WWOX: variants seen among roughly 807,000 people sequenced by gnomAD.
WWOX encodes the protein WW domain containing oxidoreductase, also known as WW domain-containing oxidoreductase.
WWOX carries 69 observed loss-of-function variants against 46.2 expected under a neutral mutation model. That is an observed-to-expected ratio of 1.49 (90% confidence interval 1.23 to 1.82). The LOEUF is 1.82. Ranked by LOEUF, WWOX falls within the 40% of genes most tolerant of loss-of-function variation. The probability of loss-of-function intolerance (pLI) is 0.00; values close to 1 mark genes in which losing one functional copy is unlikely to be tolerated. For missense variants in WWOX, 919 were observed against 542.6 expected, an observed-to-expected ratio of 1.69 and a Z score of -6.89; for synonymous variants, 359 against 202.6, an observed-to-expected ratio of 1.77 and a Z score of -6.56.
intron 8 of WWOX, among the ~76,000 whole-genome samples, chr16:78,639,920 A>C (rs1298120046): frequency 6.6e-6 from 1 of 152,082 alleles, no homozygotes; most frequent in African/African-American, 2.4e-5. Context: ...GTGGTGATCT[A>C]ATGTCAACTG....
At chr16:79,180,491 G>C (rs978603354) in intron 8 of WWOX, among the ~76,000 whole-genome samples, 19 of 152,202 alleles carry the variant, frequency 1.2e-4, no homozygotes, top group African/African-American at 4.3e-4. Context: ...AGGCTCAGCT[G>C]TGTGTCTTCG....
rs1021679735 is a variant in WWOX at position 79,088,291 on chromosome 16, G to A, written c.1057-123317G>A. On this transcript the variant is annotated intron_variant, in intron 8 of 8. Coordinates refer to ENST00000566780, the MANE Select transcript of WWOX (RefSeq NM_016373.4). ...TTTTAAGGTAAAGGGAGGACGCAGA[G>A]CATTGCAGCCCGTTGGTTGTTTTCT... Among the ~76,000 whole-genome samples, 7 of 152,316 alleles carry A rather than the reference G, an allele frequency of 4.6e-5. No homozygotes were observed. The South Asian group carries it at 6.2e-4, about 14-fold the overall frequency.
At chr16:78,506,979 G>A (rs555417360) in intron 8 of WWOX, among the ~76,000 whole-genome samples, 6 of 152,140 alleles carry the variant, frequency 3.9e-5, no homozygotes, top group African/African-American at 1.4e-4. Context: ...TGCCCAGGGT[G>A]CTGGGATCAC....
chr16:78,416,598 G>T (rs1385954659), intron 6 of WWOX, among the ~76,000 whole-genome samples: 2 of 152,094 alleles, frequency 1.3e-5, no homozygotes, highest in Non-Finnish European at 2.9e-5. Context: ...GTTTGCTGAG[G>T]TTTGCATTTT....
chr16:79,202,787 T>C (rs146709748), intron 8 of WWOX: 2 of 152,262 alleles, frequency 1.3e-5, no homozygotes, highest in South Asian at 4.1e-4. Context: ...TATATTTACA[T>C]AGGGAAACAA....
intron 8 of WWOX, among the ~76,000 whole-genome samples, chr16:78,554,502 T>C (rs1427676914): frequency 1.3e-5 from 2 of 152,156 alleles, no homozygotes; most frequent in African/African-American, 2.4e-5. Context: ...GATACATACA[T>C]ACACATATAT....
chr16:78,210,506 C>G (rs534806554), intron 5 of WWOX, among the ~76,000 whole-genome samples: 5 of 152,232 alleles, frequency 3.3e-5, no homozygotes, highest in South Asian at 4.2e-4. Flanking sequence ...CACACAGACA[C>G]ACACTCTCTC....
chr16:78,454,149 G>A (rs1281604286), intron 8 of WWOX, among the ~76,000 whole-genome samples: 8 of 152,052 alleles, frequency 5.3e-5, no homozygotes, highest in African/African-American at 9.7e-5. Flanking sequence ...ATTGGTCTCC[G>A]GGCATACTCC....
intron 8 of WWOX, among the ~76,000 whole-genome samples, chr16:78,652,390 C>G (rs1365085444): frequency 1.6e-5 from 2 of 122,762 alleles, no homozygotes; most frequent in Admixed American, 1.0e-4. Flanking sequence ...GCCTGGGTGA[C>G]AGAGCGAGAC....
chr16:78,735,890 A>G (rs940931480), intron 8 of WWOX, among the ~76,000 whole-genome samples: 2 of 131,556 alleles, frequency 1.5e-5, no homozygotes, highest in Non-Finnish European at 3.3e-5. Flanking sequence ...CTTCTTGTCT[A>G]TCCAGAAACC....
chr16:78,288,890 G>GA (rs1231017723), intron 5 of WWOX, among the ~76,000 whole-genome samples: 1 of 152,112 alleles, frequency 6.6e-6, no homozygotes, highest in Non-Finnish European at 1.5e-5. Context: ...GGAAGAAGAA[G>GA]AAAAAATCAT....
At chr16:79,145,475 T>G (rs907010110) in intron 8 of WWOX, among the ~76,000 whole-genome samples, 9 of 152,198 alleles carry the variant, frequency 5.9e-5, no homozygotes, top group African/African-American at 1.9e-4. Context: ...GTGTTGAGAT[T>G]ACAGTTATGA....
intron 8 of WWOX, among the ~76,000 whole-genome samples, chr16:78,650,800 T>C (rs961161415): frequency 6.6e-6 from 1 of 152,184 alleles, no homozygotes; most frequent in African/African-American, 2.4e-5. Context: ...TCAGCTGGCC[T>C]GCAAAGGTTC....
intron 8 of WWOX, among the ~76,000 whole-genome samples, chr16:78,457,202 C>A (rs1367153767): frequency 6.6e-6 from 1 of 152,158 alleles, no homozygotes; most frequent in Non-Finnish European, 1.5e-5. Flanking sequence ...CTTTCAGGAA[C>A]CTTCCTGGGA....
intron 5 of WWOX, among the ~76,000 whole-genome samples, chr16:78,300,014 C>T (rs1307195754): frequency 1.3e-5 from 2 of 152,092 alleles, no homozygotes; most frequent in Admixed American, 1.3e-4. Context: ...CAGCTGCCTA[C>T]AAGGGAATCT....
intron 4 of WWOX, among the ~76,000 whole-genome samples, chr16:78,117,458 G>A (rs1044227702): frequency 3.3e-5 from 5 of 152,044 alleles, no homozygotes; most frequent in African/African-American, 9.7e-5. Context: ...AAATAATATC[G>A]TACTGCAAGT....
At chr16:79,024,871 C>T (rs2047606334) in intron 8 of WWOX, among the ~76,000 whole-genome samples, 2 of 152,154 alleles carry the variant, frequency 1.3e-5, no homozygotes, top group Admixed American at 1.3e-4. Flanking sequence ...CACCTGGCCG[C>T]TGGAAATACA....
intron 8 of WWOX, chr16:79,110,554 C>T (rs2049397736): frequency 1.3e-5 from 2 of 152,316 alleles, no homozygotes; most frequent in Admixed American, 6.5e-5. Context: ...TCAAGTCATT[C>T]TTGTCCCTGT....
At chr16:78,650,274 TGAA>T (rs1376947010) in intron 8 of WWOX, among the ~76,000 whole-genome samples, 6 of 152,240 alleles carry the variant, frequency 3.9e-5, no homozygotes, top group Non-Finnish European at 8.8e-5. Flanking sequence ...ACTTTGAAGA[TGAA>T]GAAGTATGTG....
Sources: gnomAD v4.1 joint callset for allele counts (sites outside exome capture counted in the v4.1 genomes callset) on GRCh38, gnomAD v4.1.1 for gene constraint, MANE v1.5 for transcripts, NCBI Gene and HGNC (gene_info 2026-07-23, HGNC 2026-07-21) for gene names.